Variants in PARP9 observed in about 807,000 individuals in gnomAD.
PARP9 encodes the protein poly(ADP-ribose) polymerase family member 9, also known as protein mono-ADP-ribosyltransferase PARP9.
In PARP9, 48 loss-of-function variants were observed where a neutral mutation model predicts 68.8. The ratio of observed to expected loss-of-function variants is 0.70; its 90% CI spans 0.55 to 0.89. The LOEUF is 0.89. PARP9 is among the 40% of genes least tolerant of loss of function. The pLI is 0.00. For missense variants in PARP9, 806 were observed against 969.3 expected, an observed-to-expected ratio of 0.83 and a Z score of 2.24; for synonymous variants, 309 against 333.8, an observed-to-expected ratio of 0.93 and a Z score of 0.81.
chr3:122,538,187 G>A (rs1180895543), intron 8 of PARP9, among the ~76,000 whole-genome samples: 3 of 147,052 alleles, frequency 2.0e-5, no homozygotes, highest in Admixed American at 1.3e-4. Context: ...ATTAACTTTG[G>A]GGAGCAATAG....
rs553192797 is a variant in PARP9 at position 122,533,664 on chromosome 3, T to G, written c.2080+2504A>C. 55 of 983,066 alleles carry G rather than the reference T, an allele frequency of 5.6e-5. No individual in the cohort carries two copies. In the African/African-American group the frequency reaches 9.4e-4, roughly 17 times the overall value. The allele number at this position is 983,066 out of a possible 1,614,324, so 60.9% of individuals were successfully genotyped here. On this transcript the variant is annotated intron_variant, in intron 10 of 10. Transcript: ENST00000682323. ...ACAGGGCCTGATTCATAGAATGTGCTTAATAAATACCTGTGGAACAAATGA... is the reference window on the plus strand; with the variant it reads ...ACAGGGCCTGATTCATAGAATGTGCGTAATAAATACCTGTGGAACAAATGA...
intron 4 of PARP9, among the ~76,000 whole-genome samples, chr3:122,553,015 G>A (rs991250042): frequency 8.6e-5 from 13 of 151,902 alleles, no homozygotes; most frequent in South Asian, 2.1e-4. Flanking sequence ...TTGCTATTTC[G>A]TCGTGGGTTT....
rs1230906782 is a variant in PARP9 at position 122,550,811 on chromosome 3, A to G, written c.1108-9T>C. ...ATTGCATGTTTTAATATCTGCAGGA[A>G]AACACAAATTTAAGATCAGCATTTG... is the stretch of plus-strand genomic sequence containing the variant. On this transcript the variant is annotated splice_polypyrimidine_tract_variant and intron_variant, in intron 5 of 10. Coordinates refer to ENST00000682323, the MANE Select transcript of PARP9 (RefSeq NM_001146105.2). 6.2e-7 allele frequency: 1 copy of G among 1,607,398 alleles called. No individual in the cohort carries two copies. Among genetic ancestry groups the G allele is most frequent in the South Asian group, 1.1e-5 (1 of 90,742 alleles).
At chr3:122,560,255 T>A (rs1576446459) in intron 1 of PARP9, among the ~76,000 whole-genome samples, 1 of 152,246 alleles carries the variant, frequency 6.6e-6, no homozygotes, top group Non-Finnish European at 1.5e-5. Context: ...TACTTTGTTA[T>A]GATTTTCCAT....
chr3:122,560,335 G>C (rs1394876573), intron 1 of PARP9, among the ~76,000 whole-genome samples: 1 of 152,080 alleles, frequency 6.6e-6, no homozygotes, highest in Non-Finnish European at 1.5e-5. Flanking sequence ...AGATACAGTT[G>C]CCCACACTTG....
At chr3:122,545,258 G>A (rs1186556798) in intron 7 of PARP9, among the ~76,000 whole-genome samples, 174 bp downstream of exon 7, 2 of 152,188 alleles carry the variant, frequency 1.3e-5, no homozygotes, top group African/African-American at 4.8e-5. Context: ...ACTGGACCAA[G>A]CAAGAAAAGA....
At chr3:122,547,013 T>TATAC (rs1491341009) in intron 6 of PARP9, among the ~76,000 whole-genome samples, 114 of 61,336 alleles carry the variant, frequency 1.9e-3, no homozygotes, top group Non-Finnish European at 3.2e-3. Context: ...TATATATATA[T>TATAC]ACACACACAC....
At chr3:122,533,603 G>GT in intron 10 of PARP9, 2 of 822,580 alleles carry the variant, frequency 2.4e-6, no homozygotes, top group Non-Finnish European at 2.9e-6. Flanking sequence ...GAACTCTATG[G>GT]TTTTTTATTT....
chr3:122,558,533 A>T (rs535950407), intron 2 of PARP9, 66 bp from the exon 3 acceptor site: 91 of 1,567,708 alleles, frequency 5.8e-5, no homozygotes, highest in Non-Finnish European at 7.4e-5. Context: ...ACTGATAACC[A>T]ATACACCCTA....
intron 10 of PARP9, chr3:122,534,250 G>C (rs2077488541): frequency 1.1e-6 from 1 of 927,716 alleles, no homozygotes; most frequent in African/African-American, 1.8e-5. Context: ...CTGTATTGCT[G>C]AAGAAACCAC....
intron 10 of PARP9, chr3:122,535,028 A>G: frequency 1.0e-6 from 1 of 979,804 alleles, no homozygotes. Flanking sequence ...GTAGGCAAGT[A>G]GCAGAGTCTG....
chr3:122,564,208 G>T (rs940693287), intron 1 of PARP9, 37 bp downstream of exon 1: 7 of 536,186 alleles, frequency 1.3e-5, no homozygotes, highest in African/African-American at 8.1e-5. Context: ...TGCAGGAGAG[G>T]GGACCCCGAG....
chr3:122,564,676 G>T, upstream of PARP9: 1 of 1,543,092 alleles, frequency 6.5e-7, no homozygotes, highest in Non-Finnish European at 8.7e-7. Context: ...GTTTCCAGGC[G>T]GACCCAGTTC....
At chr3:122,543,940 T>C (rs2078479846) in intron 7 of PARP9, among the ~76,000 whole-genome samples, 2 of 152,278 alleles carry the variant, frequency 1.3e-5, no homozygotes, top group Admixed American at 1.3e-4. Context: ...ATTATTGTCC[T>C]GTGCTATATA....
intron 1 of PARP9, among the ~76,000 whole-genome samples, chr3:122,563,057 G>A (rs1197841454): frequency 6.6e-6 from 1 of 152,142 alleles, no homozygotes. Flanking sequence ...AGTCTTACCA[G>A]CCATGTGCAA....
Position 122,540,870 on chromosome 3 carries a change from A to G in PARP9, c.1385-18T>C. 6.3e-7 allele frequency: 1 copy of G among 1,589,608 alleles called. No individual in the cohort carries two copies. Among genetic ancestry groups the G allele is most frequent in the Non-Finnish European group, 8.5e-7 (1 of 1,171,326 alleles). The stretch of plus-strand genomic sequence containing the variant: ...CTGGGGGACTGAAATGACTATAATA[A>G]GCAACCATGGAAGACTAGCAGTTTT... On this transcript the variant is annotated intron_variant, in intron 7 of 10. Transcript: ENST00000682323.
chr3:122,529,487 A>C (rs865883699), intron 10 of PARP9, among the ~76,000 whole-genome samples: 11 of 151,968 alleles, frequency 7.2e-5, no homozygotes, highest in African/African-American at 2.4e-4. Flanking sequence ...GCGGTGGCTC[A>C]CGCCTGTAAT....
chr3:122,537,533 A>G (rs2077742853), intron 8 of PARP9, among the ~76,000 whole-genome samples: 2 of 152,232 alleles, frequency 1.3e-5, no homozygotes, highest in Non-Finnish European at 2.9e-5. Context: ...TAGCACCACC[A>G]CGTAATAATT....
At chr3:122,548,356 C>T (rs2078927611) in intron 6 of PARP9, among the ~76,000 whole-genome samples, 1 of 152,218 alleles carries the variant, frequency 6.6e-6, no homozygotes, top group African/African-American at 2.4e-5. Context: ...TGCAGCCACT[C>T]TCTGCAAGGC....
Sources: allele counts gnomAD v4.1 joint callset (sites outside exome capture counted in the v4.1 genomes callset), GRCh38; gene constraint gnomAD v4.1.1; transcripts MANE v1.5; gene names NCBI Gene and HGNC (gene_info 2026-07-23, HGNC 2026-07-21).